Variants in KIRREL3 observed in about 807,000 individuals in gnomAD.
KIRREL3 encodes kirre like nephrin family adhesion molecule 3, also known as kin of IRRE-like protein 3.
A neutral mutation model predicts 89.7 loss-of-function variants in KIRREL3; 36 were observed. The observed-to-expected ratio is 0.40, with a 90% CI of 0.31 to 0.53. The LOEUF is 0.53. Among genes scored for constraint, KIRREL3 ranks in the 20% least tolerant of loss-of-function variants. The probability of loss-of-function intolerance (pLI) is 0.49; values close to 1 mark genes in which losing one functional copy is unlikely to be tolerated. For missense variants in KIRREL3, 864 were observed against 1,056.6 expected (o/e 0.82, Z 2.53); for synonymous variants, 445 against 441.4 (o/e 1.01, Z -0.10).
At chr11:126,445,738 A>G (rs1290951051) in intron 9 of KIRREL3, among the ~76,000 whole-genome samples, 1 of 152,188 alleles carries the variant, frequency 6.6e-6, no homozygotes, top group Non-Finnish European at 1.5e-5. Flanking sequence ...AACAGGCCAC[A>G]CAAAGGTCGG....
At position 126,677,981 on chromosome 11, in the gene KIRREL3, G is replaced by T. The variant is rs1292808970; in HGVS notation, c.56-115069C>A. Among the ~76,000 whole-genome samples the T allele has an allele frequency of 6.6e-6, 1 of 152,100 alleles. No individual in the cohort carries two copies. ...AGACACACCCCGTCCCCAGGCTCCA[G>T]CTTCATGGAGCTTCAGAATCAGGCC... On this transcript the variant is annotated intron_variant, in intron 1 of 16. Coordinates refer to ENST00000525144, the MANE Select transcript of KIRREL3 (RefSeq NM_032531.4). This position sits in a 1 kb window ranked among gnomAD's most constrained non-coding sequence, Gnocchi z 5.1.
In KIRREL3 at chr11:126,660,590, G is replaced by T. The variant is rs369074320; in HGVS notation, c.56-97678C>A. Among the ~76,000 whole-genome samples, 30 of 150,036 alleles carry T rather than the reference G, an allele frequency of 2.0e-4. 1 individual carries two copies. The East Asian group carries it at 4.3e-3, about 21-fold the overall frequency. On this transcript the variant is annotated intron_variant, in intron 1 of 16. Transcript: ENST00000525144. The stretch of plus-strand genomic sequence containing the variant: ...TGTATAATACAGGCTCCCTGAGAGA[G>T]CCAAGTAAATGGCTGGAAATGTCAG...
In KIRREL3 at chr11:127,000,713, C is replaced by A; in HGVS notation, c.-204G>T. 1.9e-6 allele frequency: 1 copy of A among 538,398 alleles called. No individual in the cohort carries two copies. Among genetic ancestry groups the A allele is most frequent in the South Asian group, 2.7e-5 (1 of 36,512 alleles). The allele number at this position is 538,398 out of a possible 1,614,324, so 33.4% of individuals were successfully genotyped here. ...GCCGACACAAACTGCCTGTTCTTAGCCGCCTCGGGAAGCCGGGATTGTCAG... is the reference window on the plus strand; with the variant it reads ...GCCGACACAAACTGCCTGTTCTTAGACGCCTCGGGAAGCCGGGATTGTCAG... On this transcript the variant is annotated 5_prime_UTR_variant, in exon 1 of 17. Coordinates refer to ENST00000525144, the MANE Select transcript of KIRREL3 (RefSeq NM_032531.4). The surrounding 1 kb of genome is among the most constrained non-coding windows in gnomAD (Gnocchi z 7.1).
At position 126,955,621 on chromosome 11, in the gene KIRREL3, T is replaced by C. The variant is rs1170905413; in HGVS notation, c.55+44834A>G. 6.6e-6 allele frequency among the ~76,000 whole-genome samples: 1 copy of C among 152,176 alleles called. No homozygotes were observed. Among genetic ancestry groups the C allele is most frequent in the African/African-American group, 2.4e-5 (1 of 41,454 alleles). The stretch of plus-strand genomic sequence containing the variant: ...CCAATCCATTCTTTCCTTCCATCAT[T>C]TGCTCCCTCAACCACACATATTTAT... On this transcript the variant is annotated intron_variant, in intron 1 of 16. Transcript: ENST00000525144. The surrounding 1 kb of genome is among the most constrained non-coding windows in gnomAD (Gnocchi z 4.6).
At position 126,911,547 on chromosome 11, in the gene KIRREL3, C is replaced by T. The variant is rs147029576; in HGVS notation, c.55+88908G>A. 6.0e-4 allele frequency among the ~76,000 whole-genome samples: 92 copies of T among 152,266 alleles called. No homozygotes were observed. In the East Asian group the frequency reaches 0.012, roughly 21 times the overall value. On this transcript the variant is annotated intron_variant, in intron 1 of 16. Coordinates refer to ENST00000525144, the MANE Select transcript of KIRREL3 (RefSeq NM_032531.4). ...AAGCTCAGCCCAGATTTCTGCTGTGCCCCTCCTCTCTCCCCGCAGCAGTAA... is the reference window on the plus strand; with the variant it reads ...AAGCTCAGCCCAGATTTCTGCTGTGTCCCTCCTCTCTCCCCGCAGCAGTAA...
rs1032886061 is a variant in KIRREL3, at chr11:126,606,643, G to A, written c.56-43731C>T. Among the ~76,000 whole-genome samples the A allele has an allele frequency of 3.3e-5, 5 of 152,068 alleles. No individual in the cohort carries two copies. In the South Asian group the frequency reaches 8.3e-4, roughly 25 times the overall value. ...CCCTCGACATTCCAGGGAGGGAACC[G>A]GAGGACTCCAGTCAGTTTCCAAGCT... On this transcript the variant is annotated intron_variant, in intron 1 of 16. Coordinates refer to ENST00000525144, the MANE Select transcript of KIRREL3 (RefSeq NM_032531.4). The surrounding 1 kb of genome is among the most constrained non-coding windows in gnomAD (Gnocchi z 4.6).
chr11:126,977,305 T>C lies in KIRREL3; in HGVS notation c.55+23150A>G, dbSNP rs1174175854. On this transcript the variant is annotated intron_variant, in intron 1 of 16. Coordinates refer to ENST00000525144, the MANE Select transcript of KIRREL3 (RefSeq NM_032531.4). This position sits in a 1 kb window ranked among gnomAD's most constrained non-coding sequence, Gnocchi z 4.7. ...GGTTTCTTCGGATGCTGCCGCCCTTTCCTTCTTCATCAGGATCATTCGTTT... is the reference window on the plus strand; with the variant it reads ...GGTTTCTTCGGATGCTGCCGCCCTTCCCTTCTTCATCAGGATCATTCGTTT... Among the ~76,000 whole-genome samples the C allele has an allele frequency of 6.6e-6, 1 of 152,168 alleles. No homozygotes were observed. Among genetic ancestry groups the C allele is most frequent in the African/African-American group, 2.4e-5 (1 of 41,442 alleles).
At chr11:126,825,367 T>C (rs1318530761) in intron 1 of KIRREL3, among the ~76,000 whole-genome samples, 1 of 152,220 alleles carries the variant, frequency 6.6e-6, no homozygotes, top group Non-Finnish European at 1.5e-5. Flanking sequence ...AAGCCAGTTA[T>C]TACATTGAAA....
At position 126,788,125 on chromosome 11, in the gene KIRREL3, A is replaced by T. The variant is rs1385225063; in HGVS notation, c.55+212330T>A. On this transcript the variant is annotated intron_variant, in intron 1 of 16. Transcript: ENST00000525144. This position sits in a 1 kb window ranked among gnomAD's most constrained non-coding sequence, Gnocchi z 4.1. ...ACGACAATATTCCGCCTCCCATAGCATCTAAAATCTGCTAGACATTGTGTG... is the reference window on the plus strand; with the variant it reads ...ACGACAATATTCCGCCTCCCATAGCTTCTAAAATCTGCTAGACATTGTGTG... Among the ~76,000 whole-genome samples, 1 of 152,190 alleles carries T rather than the reference A, an allele frequency of 6.6e-6. No homozygotes were observed. The highest frequency in any genetic ancestry group is 2.4e-5 in the African/African-American group (1 of 41,446).
chr11:126,615,536 A>G lies in KIRREL3; in HGVS notation c.56-52624T>C, dbSNP rs1036785068. On this transcript the variant is annotated intron_variant, in intron 1 of 16. Transcript: ENST00000525144. This position sits in a 1 kb window ranked among gnomAD's most constrained non-coding sequence, Gnocchi z 5.4. ...TCTGACTCAAAAACCTGTGTTCCTA[A>G]CCATCCTGCCCACCAGGATCCTGGA... Among the ~76,000 whole-genome samples the G allele has an allele frequency of 2.0e-5, 3 of 152,144 alleles. No homozygotes were observed. The highest frequency in any genetic ancestry group is 7.2e-5 in the African/African-American group (3 of 41,420).
At chr11:126,784,069 G>T (rs1950408562) in intron 1 of KIRREL3, among the ~76,000 whole-genome samples, 3 of 152,128 alleles carry the variant, frequency 2.0e-5, no homozygotes, top group Non-Finnish European at 4.4e-5. Context: ...AAATTGTGAA[G>T]GTCATAAAAA....
rs527689725 is a variant in KIRREL3, at chr11:126,523,708, T to C, written c.284-2244A>G. Among the ~76,000 whole-genome samples, 50 of 152,220 alleles carry C rather than the reference T, an allele frequency of 3.3e-4. No individual in the cohort carries two copies. The highest frequency in any genetic ancestry group is 1.2e-3 in the African/African-American group (50 of 41,528). ...CTGGAAATGGGTTCTAGCCCAATCC[T>C]CTCCCTGCTGCCGCTGCCTTCCTTG... On this transcript the variant is annotated intron_variant, in intron 3 of 16. Transcript: ENST00000525144. The surrounding 1 kb of genome is among the most constrained non-coding windows in gnomAD (Gnocchi z 4.9).
intron 1 of KIRREL3, among the ~76,000 whole-genome samples, chr11:126,982,752 C>T (rs1315185182): frequency 6.6e-6 from 1 of 152,218 alleles, no homozygotes; most frequent in African/African-American, 2.4e-5. Context: ...AAGCCTCCTA[C>T]CCTGCAGCAA....
chr11:126,810,022 C>T (rs920214337), intron 1 of KIRREL3, among the ~76,000 whole-genome samples: 1 of 152,126 alleles, frequency 6.6e-6, no homozygotes, highest in African/African-American at 2.4e-5. Flanking sequence ...ATAGATGTCT[C>T]TCATTCTTAA....
At chr11:126,732,307 A>C (rs1386886865) in intron 1 of KIRREL3, among the ~76,000 whole-genome samples, 1 of 152,234 alleles carries the variant, frequency 6.6e-6, no homozygotes, top group Non-Finnish European at 1.5e-5. Flanking sequence ...TCATTTGATG[A>C]ATTATTGTAT....
chr11:126,609,220 G>A lies in KIRREL3; in HGVS notation c.56-46308C>T, dbSNP rs1325583238. 2.0e-5 allele frequency among the ~76,000 whole-genome samples: 3 copies of A among 152,146 alleles called. No homozygotes were observed. Among genetic ancestry groups the A allele is most frequent in the South Asian group, 4.1e-4 (2 of 4,824 alleles). On this transcript the variant is annotated intron_variant, in intron 1 of 16. Transcript: ENST00000525144. The surrounding 1 kb of genome is among the most constrained non-coding windows in gnomAD (Gnocchi z 5.0). ...GGTGCGGGGAAGGTTGGGTTCAGAAGGAGAGACTCTCCAGCCACACCTGTG... is the reference window on the plus strand; with the variant it reads ...GGTGCGGGGAAGGTTGGGTTCAGAAAGAGAGACTCTCCAGCCACACCTGTG...
chr11:126,882,675 A>G (rs1033391911), intron 1 of KIRREL3, among the ~76,000 whole-genome samples: 3 of 152,236 alleles, frequency 2.0e-5, no homozygotes, highest in African/African-American at 7.2e-5. Context: ...GCAAGAGCCG[A>G]TCTTTGACAT....
intron 4 of KIRREL3, among the ~76,000 whole-genome samples, chr11:126,482,629 G>A (rs1019299961): frequency 1.3e-5 from 2 of 152,200 alleles, no homozygotes; most frequent in African/African-American, 2.4e-5. Context: ...GGCGATAGAC[G>A]GGCAGGGGAG....
intron 7 of KIRREL3, among the ~76,000 whole-genome samples, chr11:126,451,113 A>ATG (rs61728031): frequency 7.9e-4 from 113 of 142,926 alleles, no homozygotes; most frequent in African/African-American, 2.7e-3. Flanking sequence ...GCATGTGTGC[A>ATG]TGTGTGTGTG....
Sources: gnomAD v4.1 joint callset for allele counts (sites outside exome capture counted in the v4.1 genomes callset) on GRCh38, gnomAD v4.1.1 for gene constraint, Gnocchi (gnomAD v3.1) non-coding constraint, MANE v1.5 for transcripts, NCBI Gene and HGNC (gene_info 2026-07-23, HGNC 2026-07-21) for gene names.